The following TRIM6 variants were observed in gnomAD, a reference collection of about 807,000 sequenced individuals.
The protein encoded by TRIM6 is tripartite motif-containing protein 6.
TRIM6 carries 43 observed loss-of-function variants against 51.2 expected under a neutral mutation model. That is an observed-to-expected ratio of 0.84 (90% CI 0.66 to 1.08). The LOEUF (loss-of-function observed/expected upper bound fraction) is 1.08. TRIM6 is among the 50% of genes least tolerant of loss of function. The pLI, the probability that TRIM6 is intolerant of heterozygous loss-of-function variation, is 0.00. For missense variants in TRIM6, 669 were observed against 619.0 expected, an observed-to-expected ratio of 1.08 and a Z score of -0.86; for synonymous variants, 215 against 232.4, an observed-to-expected ratio of 0.93 and a Z score of 0.68.
chr11:5,599,369 C>T (rs937462190), intron 1 of TRIM6, among the ~76,000 whole-genome samples: 9 of 134,794 alleles, frequency 6.7e-5, no homozygotes, highest in Admixed American at 4.1e-4. Context: ...AAATATAATA[C>T]CAATACAATT....
intron 3 of TRIM6, 138 bp downstream of exon 3, chr11:5,604,767 A>G (rs920667351): frequency 6.6e-5 from 55 of 831,528 alleles, no homozygotes; most frequent in Non-Finnish European, 9.3e-5. Flanking sequence ...GTCCTCCACT[A>G]TATTCCTTCC....
In TRIM6 at chr11:5,596,671, C is replaced by T. The variant is rs1008495089; in HGVS notation, c.-227C>T. 2 of 621,842 alleles carry T rather than the reference C, an allele frequency of 3.2e-6. No homozygotes were observed. Among genetic ancestry groups the T allele is most frequent in the Admixed American group, 3.2e-5 (1 of 31,514 alleles). 38.5% of individuals were successfully genotyped at this position (621,842 alleles called of 1,614,324 possible). A position where few individuals can be genotyped will look rare whatever the true frequency, so the allele number is the denominator to read the frequency against. On this transcript the variant is annotated 5_prime_UTR_variant, in exon 1 of 8. Transcript: ENST00000380097. ...TGGGAGATGAGCCTTCCGCAAACTCCTGACCTGTGGGTCCGTCCGTTCAAC... is the reference window on the plus strand; with the variant it reads ...TGGGAGATGAGCCTTCCGCAAACTCTTGACCTGTGGGTCCGTCCGTTCAAC...
chr11:5,596,630 T>A (rs1388470768), upstream of TRIM6: 1 of 338,476 alleles, frequency 3.0e-6, no homozygotes, highest in African/African-American at 2.3e-5. Context: ...GCGGCCCGAC[T>A]CCTCCCAGAA....
Position 5,596,727 on chromosome 11 carries a change from G to C in TRIM6, c.-171G>C, listed in dbSNP as rs1564859127. 3.0e-6 allele frequency: 3 copies of C among 1,008,604 alleles called. 1 individual carries two copies. Among genetic ancestry groups the C allele is most frequent in the South Asian group, 2.8e-5 (2 of 70,982 alleles). 62.5% of individuals were successfully genotyped at this position (1,008,604 alleles called of 1,614,324 possible). On this transcript the variant is annotated 5_prime_UTR_variant, in exon 1 of 8. Transcript: ENST00000380097. Reference sequence around the variant, plus strand: ...AAGGCTGGCGGAGGAGGGATCCCCTGCCTTTCTCGGAACGGAACGGAGCAG... The same window carrying C: ...AAGGCTGGCGGAGGAGGGATCCCCTCCCTTTCTCGGAACGGAACGGAGCAG...
Position 5,603,742 on chromosome 11 carries a change from C to T in TRIM6, c.507+7C>T. 6.2e-7 allele frequency: 1 copy of T among 1,611,982 alleles called. No homozygotes were observed. On this transcript the variant is annotated splice_region_variant and intron_variant, in intron 2 of 7. Coordinates refer to ENST00000380097, the MANE Select transcript of TRIM6 (RefSeq NM_001003818.3). ...GGTTGCCCAGGAGTACCAGGTGAGA[C>T]CCCAGGATGGAATGGGAGACAGAGA... is the stretch of plus-strand genomic sequence containing the variant.
intron 1 of TRIM6, 56 bp from the exon 2 acceptor site, chr11:5,603,190 C>T: frequency 6.4e-7 from 1 of 1,570,004 alleles, no homozygotes; most frequent in East Asian, 2.2e-5. Context: ...GTCAGTATTC[C>T]CTTATTCTCC....
At chr11:5,607,741 T>C (rs1436959919) in intron 4 of TRIM6, among the ~76,000 whole-genome samples, 1 of 152,208 alleles carries the variant, frequency 6.6e-6, no homozygotes, top group East Asian at 1.9e-4. Context: ...CTAGTGTGAT[T>C]CAGTAGGATG....
intron 4 of TRIM6, 123 bp downstream of exon 4, chr11:5,605,690 T>C (rs573956007): frequency 4.2e-6 from 5 of 1,201,014 alleles, no homozygotes; most frequent in East Asian, 5.1e-5. Context: ...TTTGGCGCTA[T>C]AGTGCCTATC....
At chr11:5,603,059 A>C (rs1847965482) in intron 1 of TRIM6, among the ~76,000 whole-genome samples, 187 bp from the exon 2 acceptor site, 1 of 152,134 alleles carries the variant, frequency 6.6e-6, no homozygotes, top group Non-Finnish European at 1.5e-5. Flanking sequence ...GGAAATTATC[A>C]CTGCTTTAAT....
At chr11:5,604,435 C>A in intron 2 of TRIM6, 99 bp from the exon 3 acceptor site, 1 of 1,346,464 alleles carries the variant, frequency 7.4e-7, no homozygotes, top group Non-Finnish European at 1.0e-6. Flanking sequence ...GGACAGGCTT[C>A]TTTTGAGGTT....
chr11:5,610,180 T>C lies in TRIM6; in HGVS notation c.893T>C (p.Leu298Pro). 6.2e-7 allele frequency: 1 copy of C among 1,614,106 alleles called. No homozygotes were observed. The change falls in exon 6 of 8, where the codon CTC becomes CCC. Residue 298 changes from leucine (L) to proline (P), a missense_variant. Transcript: ENST00000380097. ...EFWTLRKPEA[L>P]PTKLRSMFRA... is the part of the protein sequence containing the mutation. ...TGGACCCTGAGGAAGCCAGAAGCTC[T>C]CCCTACAAAGCTGAGAAGTATGTTC...
chr11:5,599,383 ATATTTATTTATTTATTTATT>A (rs60859015), intron 1 of TRIM6, among the ~76,000 whole-genome samples: 1 of 146,866 alleles, frequency 6.8e-6, no homozygotes, highest in African/African-American at 2.5e-5. Flanking sequence ...TACAATTATT[ATATTTATTTATTTATTTATT>A]TATTTATTTA....
chr11:5,606,262 G>A (rs577548112), intron 4 of TRIM6, among the ~76,000 whole-genome samples: 11 of 152,276 alleles, frequency 7.2e-5, no homozygotes, highest in Admixed American at 5.9e-4. Flanking sequence ...ACTGGTTTTG[G>A]GGGTCTGGGC....
At chr11:5,608,931 C>G (rs1848396694) in intron 5 of TRIM6, among the ~76,000 whole-genome samples, 1 of 143,130 alleles carries the variant, frequency 7.0e-6, no homozygotes, top group Non-Finnish European at 1.5e-5. Context: ...GCTCACTGCA[C>G]CTTCCTGCCC....
intron 5 of TRIM6, 64 bp downstream of exon 5, chr11:5,608,458 CA>C: frequency 6.2e-7 from 1 of 1,603,142 alleles, no homozygotes; most frequent in Non-Finnish European, 8.5e-7. Context: ...TACCCATGAT[CA>C]GTGGGAAAGG....
At chr11:5,601,561 C>G (rs946756991) in intron 1 of TRIM6, among the ~76,000 whole-genome samples, 1 of 152,086 alleles carries the variant, frequency 6.6e-6, no homozygotes, top group Non-Finnish European at 1.5e-5. Flanking sequence ...AGTTCGAGAT[C>G]AGCCTGGCCA....
intron 6 of TRIM6, 32 bp from the exon 7 acceptor site, chr11:5,610,503 T>C (rs1848508622): frequency 1.2e-6 from 2 of 1,613,924 alleles, no homozygotes; most frequent in Non-Finnish European, 1.7e-6. Flanking sequence ...GTTGGTCCTA[T>C]TCAACATTAT....
At position 5,610,152 on chromosome 11, in the gene TRIM6, T is replaced by C. The variant is rs1435095186; in HGVS notation, c.865T>C (p.Phe289Leu). The C allele has an allele frequency of 3.1e-6, 5 of 1,613,670 alleles. No individual in the cohort carries two copies. The highest frequency in any genetic ancestry group is 4.2e-6 in the Non-Finnish European group (5 of 1,179,922). The change falls in exon 6 of 8, where the codon TTC becomes CTC. Residue 289 changes from phenylalanine (F) to leucine (L), a missense_variant. Phe to Leu is a conservative substitution (Grantham distance 22). Coordinates refer to ENST00000380097, the MANE Select transcript of TRIM6 (RefSeq NM_001003818.3). ...AAGTCCTGTCCTTTCTAGGAGTGAGTTCTGGACCCTGAGGAAGCCAGAAGC... is the reference window on the plus strand; with the variant it reads ...AAGTCCTGTCCTTTCTAGGAGTGAGCTCTGGACCCTGAGGAAGCCAGAAGC... ...DVSDVTERSE[F>L]WTLRKPEALP...
chr11:5,603,209 T>C, intron 1 of TRIM6, 37 bp from the exon 2 acceptor site: 1 of 1,592,468 alleles, frequency 6.3e-7, no homozygotes, highest in Non-Finnish European at 8.6e-7. Flanking sequence ...CCCTCCTTTC[T>C]TACCCTGATC....
Sources: gnomAD v4.1 joint callset for allele counts (sites outside exome capture counted in the v4.1 genomes callset) on GRCh38, gnomAD v4.1.1 for gene constraint, MANE v1.5 for transcripts, NCBI Gene and HGNC (gene_info 2026-07-23, HGNC 2026-07-21) for gene names.